Variants in PCCA observed in about 807,000 individuals in gnomAD.
PCCA encodes propionyl-CoA carboxylase subunit alpha.
Under a neutral mutation model 101.3 loss-of-function variants are expected in PCCA, and 74 were observed. The ratio of observed to expected loss-of-function variants is 0.73; its 90% CI spans 0.61 to 0.89. The LOEUF (loss-of-function observed/expected upper bound fraction) is 0.89, where lower values mean the gene tolerates loss of function less well. PCCA is among the 40% of genes least tolerant of loss of function. PCCA has a pLI of 0.00. For missense variants in PCCA, 891 were observed against 907.0 expected, an observed-to-expected ratio of 0.98 and a Z score of 0.23; for synonymous variants, 294 against 313.6, an observed-to-expected ratio of 0.94 and a Z score of 0.66.
chr13:100,151,365 G>A (rs2053292080), intron 4 of PCCA, among the ~76,000 whole-genome samples: 2 of 152,162 alleles, frequency 1.3e-5, no homozygotes, highest in African/African-American at 4.8e-5. Flanking sequence ...GCTGAGGTAG[G>A]CGGATCACCT....
intron 1 of PCCA, among the ~76,000 whole-genome samples, chr13:100,099,464 C>A (rs1177774522): frequency 6.6e-6 from 1 of 151,788 alleles, no homozygotes; most frequent in African/African-American, 2.4e-5. Flanking sequence ...ACTACAGGCG[C>A]CTGCCACCAC....
At chr13:100,179,096 A>G (rs1369686615) in intron 6 of PCCA, among the ~76,000 whole-genome samples, 1 of 78,902 alleles carries the variant, frequency 1.3e-5, no homozygotes, top group Non-Finnish European at 3.1e-5. Flanking sequence ...AAAAAAATAT[A>G]TATATATATA....
chr13:100,342,289 A>G (rs546899703), intron 18 of PCCA, among the ~76,000 whole-genome samples: 86 of 152,140 alleles, frequency 5.7e-4, no homozygotes, highest in African/African-American at 2.0e-3. Flanking sequence ...TTTGAGACAG[A>G]GTCTTGCTCT....
rs567315636 is a variant in PCCA at position 100,298,083 on chromosome 13, C to T, written c.1066-3377C>T. Among the ~76,000 whole-genome samples the T allele has an allele frequency of 4.0e-5, 6 of 151,482 alleles. No homozygotes were observed. In the Middle Eastern group the frequency reaches 0.014, roughly 346 times the overall value. ...TGCAAAACAGTGCTGTCTGGTGGAT[C>T]CCTGATTTGTGTGCTTTTTAGAAAG... On this transcript the variant is annotated intron_variant, in intron 12 of 23. Coordinates refer to ENST00000376285, the MANE Select transcript of PCCA (RefSeq NM_000282.4).
At chr13:100,519,246 TTC>T (rs1313759715) in intron 22 of PCCA, among the ~76,000 whole-genome samples, 1 of 152,272 alleles carries the variant, frequency 6.6e-6, no homozygotes, top group Non-Finnish European at 1.5e-5. Flanking sequence ...CTGCATTTCT[TTC>T]TTTCTTAACA....
intron 16 of PCCA, among the ~76,000 whole-genome samples, chr13:100,311,906 A>G (rs1012163106): frequency 2.0e-5 from 3 of 152,254 alleles, no homozygotes; most frequent in Non-Finnish European, 4.4e-5. Context: ...CGGAGGTTAT[A>G]TGCTTTCATT....
chr13:100,172,468 A>G (rs937902639), intron 6 of PCCA, among the ~76,000 whole-genome samples: 2 of 152,170 alleles, frequency 1.3e-5, no homozygotes, highest in African/African-American at 2.4e-5. Flanking sequence ...TTTGTTAATG[A>G]TAAATTTGTT....
intron 23 of PCCA, 67 bp downstream of exon 23, chr13:100,527,819 TG>T (rs1268198754): frequency 8.3e-7 from 1 of 1,197,710 alleles, no homozygotes; most frequent in African/African-American, 1.5e-5. Context: ...CTTTGAATCG[TG>T]GGTGGTTTGG....
At chr13:100,144,759 C>G (rs1195862004) in intron 4 of PCCA, among the ~76,000 whole-genome samples, 1 of 152,150 alleles carries the variant, frequency 6.6e-6, no homozygotes, top group Non-Finnish European at 1.5e-5. Context: ...GAGAAAAGAC[C>G]TAAAGATAAA....
intron 14 of PCCA, among the ~76,000 whole-genome samples, chr13:100,306,835 G>A (rs1016947819): frequency 6.6e-6 from 1 of 152,220 alleles, no homozygotes; most frequent in Non-Finnish European, 1.5e-5. Flanking sequence ...TCACTGGTGG[G>A]CTCAGAAGGG....
chr13:100,491,816 T>C (rs1336847411), intron 21 of PCCA: 5 of 1,039,668 alleles, frequency 4.8e-6, no homozygotes, highest in Non-Finnish European at 4.9e-6. Context: ...AATATTTTGG[T>C]CCCTTTTTTT....
chr13:100,186,559 T>A (rs1168529371), intron 6 of PCCA, among the ~76,000 whole-genome samples: 1 of 151,724 alleles, frequency 6.6e-6, no homozygotes, highest in Non-Finnish European at 1.5e-5. Flanking sequence ...CTGGGCAAAA[T>A]GACGAAACCC....
At chr13:100,182,306 A>G (rs1042867715) in intron 6 of PCCA, among the ~76,000 whole-genome samples, 2 of 151,984 alleles carry the variant, frequency 1.3e-5, no homozygotes, top group Non-Finnish European at 2.9e-5. Context: ...CATGTTGGCC[A>G]GGCTGATCTC....
chr13:100,332,114 T>G (rs1360406730), intron 17 of PCCA, among the ~76,000 whole-genome samples: 2 of 152,082 alleles, frequency 1.3e-5, no homozygotes, highest in Non-Finnish European at 2.9e-5. Context: ...AATTTTTATA[T>G]TTTTAGTAGA....
intron 10 of PCCA, among the ~76,000 whole-genome samples, chr13:100,263,388 T>C (rs777723638): frequency 1.7e-4 from 26 of 152,256 alleles, no homozygotes; most frequent in Non-Finnish European, 3.5e-4. Context: ...ATGTAATAGC[T>C]AAAATTGATA....
intron 21 of PCCA, among the ~76,000 whole-genome samples, chr13:100,472,465 G>A (rs889710237): frequency 6.6e-6 from 1 of 152,126 alleles, no homozygotes. Flanking sequence ...ACTGAGTGCC[G>A]ACGAGGAGAG....
At chr13:100,270,540 G>C (rs1343079639) in intron 11 of PCCA, among the ~76,000 whole-genome samples, 1 of 151,938 alleles carries the variant, frequency 6.6e-6, no homozygotes, top group African/African-American at 2.4e-5. Flanking sequence ...TCTTTGTCTA[G>C]AAATACAAAC....
intron 9 of PCCA, among the ~76,000 whole-genome samples, chr13:100,260,423 G>C (rs1445642247): frequency 1.4e-5 from 2 of 147,982 alleles, no homozygotes; most frequent in Non-Finnish European, 3.0e-5. Context: ...TTGAGATGGA[G>C]TCTCGCTCTG....
intron 20 of PCCA, among the ~76,000 whole-genome samples, chr13:100,436,025 A>G (rs1444072108): frequency 2.0e-5 from 3 of 151,168 alleles, no homozygotes; most frequent in East Asian, 4.0e-4. Context: ...CTTAGGCAAC[A>G]AGAGCGAAAC....
Sources: gnomAD v4.1 joint callset for allele counts (sites outside exome capture counted in the v4.1 genomes callset) on GRCh38, gnomAD v4.1.1 for gene constraint, MANE v1.5 for transcripts, NCBI Gene and HGNC (gene_info 2026-07-23, HGNC 2026-07-21) for gene names.